The following ALDH3A1 variants were observed in gnomAD, a reference collection of about 807,000 sequenced individuals.
ALDH3A1 encodes the protein aldehyde dehydrogenase, dimeric NADP-preferring.
In ALDH3A1, 46 loss-of-function variants were observed where a neutral mutation model predicts 49.9. The observed-to-expected ratio is 0.92, with a 90% CI of 0.73 to 1.18. The LOEUF is 1.18. ALDH3A1 is among the 50% of genes most tolerant of loss of function. ALDH3A1 has a pLI of 0.00. For missense variants in ALDH3A1, 592 were observed against 611.8 expected (o/e 0.97, Z 0.34); for synonymous variants, 269 against 253.3 (o/e 1.06, Z -0.59).
Position 19,741,987 on chromosome 17 carries a change from A to C in ALDH3A1, c.689+17T>G, listed in dbSNP as rs1346482062. ...CAGAGTAAGGACTGCTGCAGCCAGC[A>C]GGCCCGTGCCTCTCACCGGCAGGCC... On this transcript the variant is annotated intron_variant, in intron 5 of 10. Coordinates refer to ENST00000225740, the MANE Select transcript of ALDH3A1 (RefSeq NM_000691.5). 1 of 1,612,978 alleles carries C rather than the reference A, an allele frequency of 6.2e-7. No individual in the cohort carries two copies. Among genetic ancestry groups the C allele is most frequent in the South Asian group, 1.1e-5 (1 of 91,036 alleles).
chr17:19,744,259 C>T (rs1265386396), intron 2 of ALDH3A1: 3 of 652,846 alleles, frequency 4.6e-6, no homozygotes, highest in South Asian at 6.8e-5. Context: ...CAAAATTAGC[C>T]GGGCATGGTG....
intron 1 of ALDH3A1, among the ~76,000 whole-genome samples, chr17:19,746,190 A>C (rs2086592664): frequency 6.6e-6 from 1 of 152,114 alleles, no homozygotes; most frequent in Admixed American, 6.5e-5. Flanking sequence ...GAAGTTCAAA[A>C]CCAGCCTGGC....
chr17:19,740,475 C>T lies in ALDH3A1; in HGVS notation c.810G>A (p.Glu270=), dbSNP rs759845212. ...ATTTCTTAGCATCTTCCCCGTAGAA[C>T]TCCTGTGGAGAAGAGGTGGGGGCTT... ...IVEKLKKSLK[E]FYGEDAKKSR... The change falls in exon 7 of 11, where the codon GAG becomes GAA. Residue 270 remains glutamate, a splice_region_variant and synonymous_variant. Coordinates refer to ENST00000225740, the MANE Select transcript of ALDH3A1 (RefSeq NM_000691.5). 1.9e-5 allele frequency: 30 copies of T among 1,614,004 alleles called. No homozygotes were observed. The highest frequency in any genetic ancestry group is 2.3e-5 in the Non-Finnish European group (27 of 1,180,002).
intron 4 of ALDH3A1, 151 bp from the exon 5 acceptor site, chr17:19,742,363 C>A (rs557034887): frequency 3.6e-6 from 4 of 1,112,448 alleles, no homozygotes; most frequent in Non-Finnish European, 5.2e-6. Flanking sequence ...CAGTAGACCG[C>A]CTTTCCTGGC....
rs750965150 is a variant in ALDH3A1 at position 19,745,004 on chromosome 17, C to T, written c.126G>A (p.Gln42=). The T allele has an allele frequency of 8.8e-6, 14 of 1,590,748 alleles. No homozygotes were observed. The highest frequency in any genetic ancestry group is 1.1e-5 in the Non-Finnish European group (13 of 1,176,768). ...CTGCGGCCAGCGCGCCCACCAGCTC[C>T]TGCTCCTGCTCCTGGATCAGGCGCT... ...ALQRLIQEQE[Q]ELVGALAADL... is the part of the protein sequence containing the mutation. The change falls in exon 2 of 11, where the codon CAG becomes CAA. Residue 42 remains glutamine (Q), a synonymous_variant. Transcript: ENST00000225740.
At chr17:19,746,338 G>A (rs1327238076) in intron 1 of ALDH3A1, among the ~76,000 whole-genome samples, 1 of 152,030 alleles carries the variant, frequency 6.6e-6, no homozygotes, top group Non-Finnish European at 1.5e-5. Context: ...GGTTGCAGTG[G>A]GCCGAGATTG....
chr17:19,744,850 G>T, intron 2 of ALDH3A1, 118 bp downstream of exon 2: 1 of 1,360,678 alleles, frequency 7.3e-7, no homozygotes, highest in African/African-American at 1.5e-5. Flanking sequence ...CGACCGAGGG[G>T]CCAGGTGGCC....
chr17:19,739,482 G>C, intron 8 of ALDH3A1, 26 bp downstream of exon 8: 1 of 1,596,756 alleles, frequency 6.3e-7, no homozygotes, highest in Non-Finnish European at 8.5e-7. Context: ...GACCCTGGCA[G>C]AGGGCACCCC....
intron 1 of ALDH3A1, chr17:19,747,877 C>T (rs1261878460): frequency 6.3e-6 from 1 of 157,834 alleles, no homozygotes; most frequent in South Asian, 1.9e-4. Context: ...GACTGAGAAA[C>T]GTTTAATGCT....
chr17:19,740,544 A>C, intron 6 of ALDH3A1, 67 bp from the exon 7 acceptor site: 1 of 1,579,506 alleles, frequency 6.3e-7, no homozygotes, highest in Non-Finnish European at 8.6e-7. Flanking sequence ...GGCTGCACAG[A>C]CACAGGCCAG....
Position 19,741,993 on chromosome 17 carries a change from G to T in ALDH3A1, c.689+11C>A, listed in dbSNP as rs374230530. On this transcript the variant is annotated intron_variant, in intron 5 of 10. Coordinates refer to ENST00000225740, the MANE Select transcript of ALDH3A1 (RefSeq NM_000691.5). ...AAGGACTGCTGCAGCCAGCAGGCCC[G>T]TGCCTCTCACCGGCAGGCCACGTCC... is the stretch of plus-strand genomic sequence containing the variant. 5.0e-6 allele frequency: 8 copies of T among 1,613,326 alleles called. No individual in the cohort carries two copies. The highest frequency in any genetic ancestry group is 6.8e-6 in the Non-Finnish European group (8 of 1,179,776).
Position 19,740,422 on chromosome 17 carries a change from G to A in ALDH3A1, c.863C>T (p.Ala288Val). Residue 288 changes from alanine (A) to valine (V), a missense_variant, in exon 7 of 11, where the codon GCC becomes GTC. Ala to Val is a moderately conservative substitution (Grantham distance 64). Transcript: ENST00000225740. ...KSRDYGRIIS[A>V]RHFQRVMGLI... Reference sequence around the variant, plus strand: ...GCCCATCACCCTCTGGAAGTGCCGGGCACTAATGATTCTTCCATAGTCCCG... The same window carrying A: ...GCCCATCACCCTCTGGAAGTGCCGGACACTAATGATTCTTCCATAGTCCCG... The A allele has an allele frequency of 6.2e-7, 1 of 1,614,128 alleles. No individual in the cohort carries two copies. Among genetic ancestry groups the A allele is most frequent in the Non-Finnish European group, 8.5e-7 (1 of 1,180,036 alleles).
At chr17:19,741,311 G>A in intron 5 of ALDH3A1, 101 bp from the exon 6 acceptor site, 1 of 1,029,374 alleles carries the variant, frequency 9.7e-7, no homozygotes, top group Admixed American at 1.8e-5. Flanking sequence ...GCCATCGGCT[G>A]TGACCTTGCC....
intron 7 of ALDH3A1, 67 bp downstream of exon 7, chr17:19,740,269 T>TG (rs1210642776): frequency 3.8e-6 from 6 of 1,589,700 alleles, no homozygotes; most frequent in Non-Finnish European, 5.1e-6. Context: ...TGTGCCCACT[T>TG]GCTGTGAACT....
At chr17:19,742,233 G>C in intron 4 of ALDH3A1, 21 bp from the exon 5 acceptor site, 3 of 1,611,622 alleles carry the variant, frequency 1.9e-6, no homozygotes, top group African/African-American at 1.3e-5. Context: ...AGGAGAGAGG[G>C]GAGGCTCAGC....
chr17:19,745,831 A>G (rs2086588532), intron 1 of ALDH3A1, among the ~76,000 whole-genome samples: 1 of 152,276 alleles, frequency 6.6e-6, no homozygotes. Context: ...TTTTTCAAAC[A>G]TACTTCTCTG....
At position 19,747,851 on chromosome 17, in the gene ALDH3A1, C is replaced by T. The variant is rs117345529; in HGVS notation, c.-6+408G>A. 833 of 156,506 alleles carry T rather than the reference C, an allele frequency of 5.3e-3. 23 individuals carry two copies. In the East Asian group the frequency reaches 0.073, roughly 14 times the overall value. The allele number at this position is 156,506 out of a possible 1,614,324, so 9.7% of individuals were successfully genotyped here. A position where few individuals can be genotyped will look rare whatever the true frequency, so the allele number is the denominator to read the frequency against. ...AAGAAACGGTTATGAGTGCATTTTACAGATGAGGAAAGGGAGACTGAGAAA... is the reference window on the plus strand; with the variant it reads ...AAGAAACGGTTATGAGTGCATTTTATAGATGAGGAAAGGGAGACTGAGAAA... On this transcript the variant is annotated intron_variant, in intron 1 of 10. Coordinates refer to ENST00000225740, the MANE Select transcript of ALDH3A1 (RefSeq NM_000691.5).
In ALDH3A1 at chr17:19,746,973, C is replaced by T. The variant is rs987073759; in HGVS notation, c.-6+1286G>A. 2.6e-5 allele frequency among the ~76,000 whole-genome samples: 4 copies of T among 152,046 alleles called. No homozygotes were observed. In the South Asian group the frequency reaches 8.3e-4, roughly 31 times the overall value. ...CAAAGGGGCACAGAAAAAAGTCTGC[C>T]TCCCTCCTCCCTGCTCCATCAGCTG... On this transcript the variant is annotated intron_variant, in intron 1 of 10. Coordinates refer to ENST00000225740, the MANE Select transcript of ALDH3A1 (RefSeq NM_000691.5).
Position 19,742,117 on chromosome 17 carries a change from C to T in ALDH3A1, c.576G>A (p.Val192=). 1 of 1,614,054 alleles carries T rather than the reference C, an allele frequency of 6.2e-7. No homozygotes were observed. The highest frequency in any genetic ancestry group is 8.5e-7 in the Non-Finnish European group (1 of 1,180,016). Residue 192 remains valine, a synonymous_variant, in exon 5 of 11, where the codon GTG becomes GTA. Coordinates refer to ENST00000225740, the MANE Select transcript of ALDH3A1 (RefSeq NM_000691.5). The part of the protein sequence containing the change: ...DHILYTGSTG[V]GKIIMTAAAK... ...CAGCAGCCGTCATGATGATCTTCCC[C>T]ACCCCCGTGCTGCCCGTGTACAGGA... is the stretch of plus-strand genomic sequence containing the variant.
Sources: allele counts gnomAD v4.1 joint callset (sites outside exome capture counted in the v4.1 genomes callset), GRCh38; gene constraint gnomAD v4.1.1; transcripts MANE v1.5; gene names NCBI Gene and HGNC (gene_info 2026-07-23, HGNC 2026-07-21).